The following DRC11L variants were observed in gnomAD, a reference collection of about 807,000 sequenced individuals.
DRC11L encodes dynein regulatory complex subunit 11 like.
At chr7:151,198,195 G>A in the DRC11L span, among the ~76,000 whole-genome samples, 2 of 146,024 alleles carry the variant, frequency 1.4e-5, no homozygotes, top group South Asian at 4.6e-4. Context: ...GGGAGATGGA[G>A]AGGTGGGTAG....
the DRC11L span, chr7:151,195,710 GTGGGAGAGGAGCAGGCAGGCAGGGA>G: frequency 7.5e-6 from 3 of 399,528 alleles, no homozygotes; most frequent in African/African-American, 6.2e-5. Flanking sequence ...GGGAGGACAG[GTGGGAGAGGAGCAGGCAGGCAGGGA>G]TGGGAAGGAG....
the DRC11L span, chr7:151,191,527 G>A: frequency 2.5e-6 from 1 of 397,984 alleles, no homozygotes; most frequent in Non-Finnish European, 4.4e-6. Flanking sequence ...CATTTCCACT[G>A]ATTGTCTTCT....
the DRC11L span, chr7:151,197,835 T>G: frequency 6.0e-5 from 24 of 399,334 alleles, no homozygotes; most frequent in East Asian, 8.2e-4. Flanking sequence ...TTCTGGCGTT[T>G]TGTCTGCAAA....
chr7:151,204,505 G>T, the DRC11L span: 33,381 of 398,724 alleles, frequency 0.084, 2,661 homozygotes, highest in African/African-American at 0.26. Context: ...CTGCGCACAC[G>T]TACTGGGGTG....
At chr7:151,204,628 G>A in the DRC11L span, 1 of 399,164 alleles carries the variant, frequency 2.5e-6, no homozygotes, top group Non-Finnish European at 4.4e-6. Context: ...AGCAGGCGTC[G>A]CAGCAGCCGC....
At chr7:151,192,156 C>G in the DRC11L span, 3 of 398,194 alleles carry the variant, frequency 7.5e-6, no homozygotes, top group Non-Finnish European at 4.4e-6. Context: ...GGCTGCTTGT[C>G]CAGCAGCCCT....
chr7:151,200,282 C>T, the DRC11L span: 73 of 398,936 alleles, frequency 1.8e-4, no homozygotes, highest in Non-Finnish European at 2.7e-4. Context: ...TGGAGAGCAC[C>T]GTGGGCACTG....
chr7:151,201,949 G>A, the DRC11L span, among the ~76,000 whole-genome samples: 1 of 152,172 alleles, frequency 6.6e-6, no homozygotes. This position sits in a 1 kb window ranked among gnomAD's most constrained non-coding sequence, Gnocchi z 4.1. Context: ...TTTAAGGAAT[G>A]GTAGGAGAGG....
chr7:151,204,978 G>T, the DRC11L span: 1 of 398,082 alleles, frequency 2.5e-6, no homozygotes, highest in African/African-American at 2.1e-5. Context: ...CTTCAATGAG[G>T]TAAGGAGCCC....
At chr7:151,203,556 T>G in the DRC11L span, 2 of 398,656 alleles carry the variant, frequency 5.0e-6, no homozygotes, top group East Asian at 7.1e-5. Flanking sequence ...GAATCAAAAG[T>G]CTGAGCCATC....
the DRC11L span, chr7:151,195,561 GC>G: frequency 5.0e-6 from 2 of 399,616 alleles, no homozygotes; most frequent in Non-Finnish European, 8.8e-6. Context: ...CCCAGCCCCA[GC>G]CCCTCATCTT....
At chr7:151,196,539 C>T in the DRC11L span, 5 of 399,622 alleles carry the variant, frequency 1.3e-5, no homozygotes, top group African/African-American at 6.2e-5. Context: ...GCTCTCACAC[C>T]GGTTCTTCCA....
the DRC11L span, chr7:151,197,226 C>T: frequency 1.1e-4 from 44 of 399,408 alleles, no homozygotes; most frequent in African/African-American, 7.4e-4. Context: ...CCTTTTCTTC[C>T]TTTCCTTTCT....
the DRC11L span, among the ~76,000 whole-genome samples, chr7:151,193,934 G>A: frequency 6.6e-6 from 1 of 151,980 alleles, no homozygotes; most frequent in Non-Finnish European, 1.5e-5. Flanking sequence ...GAAGGCATGG[G>A]ATAAATCACT....
chr7:151,198,550 T>C, the DRC11L span, among the ~76,000 whole-genome samples: 3 of 152,134 alleles, frequency 2.0e-5, no homozygotes, highest in African/African-American at 7.2e-5. Context: ...TTCCCCACCC[T>C]ATTCTGGCAC....
the DRC11L span, among the ~76,000 whole-genome samples, chr7:151,197,667 C>T: frequency 2.0e-5 from 3 of 152,210 alleles, no homozygotes. Context: ...CTCCTTGCTC[C>T]TCTTCCCCAT....
the DRC11L span, chr7:151,202,967 G>A: frequency 1.0e-5 from 4 of 399,606 alleles, no homozygotes; most frequent in African/African-American, 4.1e-5. Flanking sequence ...CCATCCTCCC[G>A]AATCCTCCCA....
chr7:151,196,913 C>T, the DRC11L span: 1 of 399,190 alleles, frequency 2.5e-6, no homozygotes, highest in Non-Finnish European at 4.4e-6. Flanking sequence ...CCACTTTCTC[C>T]AGGACCCAGG....
the DRC11L span, among the ~76,000 whole-genome samples, chr7:151,204,074 G>A: frequency 6.6e-6 from 1 of 152,186 alleles, no homozygotes; most frequent in African/African-American, 2.4e-5. Context: ...GGGATTCAGA[G>A]TTTCTCATTT....
Sources: allele counts gnomAD v4.1 joint callset (sites outside exome capture counted in the v4.1 genomes callset), GRCh38; gene constraint gnomAD v4.1.1; non-coding constraint Gnocchi (gnomAD v3.1); transcripts MANE v1.5; gene names NCBI Gene and HGNC (gene_info 2026-07-23, HGNC 2026-07-21).